Variants in EEA1 observed in about 807,000 individuals in gnomAD.
EEA1 encodes the protein early endosome antigen 1, also known as early endosome antigen 1, 162kD.
EEA1 carries 111 observed loss-of-function variants against 209.2 expected under a neutral mutation model. The ratio of observed to expected loss-of-function variants is 0.53; its 90% CI spans 0.45 to 0.62. The LOEUF (loss-of-function observed/expected upper bound fraction) is 0.62. Ranked by LOEUF, EEA1 falls within the 20% of genes least tolerant of loss-of-function variation. The pLI is 0.00. For missense variants in EEA1, 1,343 were observed against 1,530.8 expected (o/e 0.88, Z 2.05); for synonymous variants, 536 against 540.6 (o/e 0.99, Z 0.12).
Position 92,773,015 on chromosome 12 carries a change from A to C in EEA1, c.*2996T>G, listed in dbSNP as rs1478987856. The C allele has an allele frequency of 6.6e-6, 1 of 152,202 alleles. No homozygotes were observed. Among genetic ancestry groups the C allele is most frequent in the African/African-American group, 2.4e-5 (1 of 41,428 alleles). 9.4% of individuals were successfully genotyped at this position (152,202 alleles called of 1,614,324 possible). On this transcript the variant is annotated 3_prime_UTR_variant, in exon 29 of 29. Coordinates refer to ENST00000322349, the MANE Select transcript of EEA1 (RefSeq NM_003566.4). ...ATTAAAATTCAGGCTAAGGGCAATT[A>C]AGACACAATAATGTGTGGCACGTTA...
intron 10 of EEA1, 144 bp from the exon 11 acceptor site, chr12:92,832,994 A>G: frequency 1.6e-6 from 1 of 617,574 alleles, no homozygotes; most frequent in Non-Finnish European, 2.6e-6. Flanking sequence ...GTTCTAGTCA[A>G]GAATTAAATC....
chr12:92,858,760 G>A (rs567009077), intron 3 of EEA1: 52 of 767,556 alleles, frequency 6.8e-5, no homozygotes, highest in Non-Finnish European at 1.2e-4. Flanking sequence ...AAAGGAGAAA[G>A]TCATCAAAGC....
chr12:92,850,121 G>A (rs865847713), intron 9 of EEA1, among the ~76,000 whole-genome samples: 21 of 152,152 alleles, frequency 1.4e-4, no homozygotes, highest in African/African-American at 3.4e-4. Context: ...GAAATACTCC[G>A]AATAAATATG....
At position 92,852,905 on chromosome 12, in the gene EEA1, A is replaced by T; in HGVS notation, c.520+7T>A. The T allele has an allele frequency of 1.9e-6, 3 of 1,601,764 alleles. No individual in the cohort carries two copies. The highest frequency in any genetic ancestry group is 2.6e-6 in the Non-Finnish European group (3 of 1,171,664). On this transcript the variant is annotated splice_region_variant and intron_variant, in intron 7 of 28. Coordinates refer to ENST00000322349, the MANE Select transcript of EEA1 (RefSeq NM_003566.4). ...TTTATTGGCTAAAAAATTCTAACTCAATTTACCTGCAATTTCAGTAGCAAG... is the reference window on the plus strand; with the variant it reads ...TTTATTGGCTAAAAAATTCTAACTCTATTTACCTGCAATTTCAGTAGCAAG...
chr12:92,804,476 G>A (rs1295761644), intron 18 of EEA1, among the ~76,000 whole-genome samples: 1 of 150,324 alleles, frequency 6.7e-6, no homozygotes, highest in African/African-American at 2.5e-5. Context: ...TGAGGCTGAA[G>A]CAGGAGAATC....
Position 92,929,243 on chromosome 12 carries a change from G to A in EEA1, c.-177C>T, listed in dbSNP as rs1881337233. On this transcript the variant is annotated 5_prime_UTR_variant, in exon 1 of 29. Coordinates refer to ENST00000322349, the MANE Select transcript of EEA1 (RefSeq NM_003566.4). ...CCCGACTTCCCCACAGGCGGCGAGA[G>A]GGAGCACGCGAGAGAGAGCGAGCGA... 2 of 538,842 alleles carry A rather than the reference G, an allele frequency of 3.7e-6. No individual in the cohort carries two copies. Among genetic ancestry groups the A allele is most frequent in the East Asian group, 3.5e-5 (1 of 28,464 alleles). 33.4% of individuals were successfully genotyped at this position (538,842 alleles called of 1,614,324 possible).
rs1014133611 is a variant in EEA1 at position 92,828,014 on chromosome 12, A to G, written c.1302T>C (p.His434=). The change falls in exon 12 of 29, where the codon CAT becomes CAC. Residue 434 remains histidine (H), a synonymous_variant. Coordinates refer to ENST00000322349, the MANE Select transcript of EEA1 (RefSeq NM_003566.4). ...LETERQLGEA[H]GRLKEQRQLS... is the part of the protein sequence containing the mutation. ...GCTGTCTCTGTTCCTTCAGCCTACC[A>G]TGAGCTTCCCCTAGTTGGCGCTCTG... The G allele has an allele frequency of 6.3e-7, 1 of 1,597,072 alleles. No homozygotes were observed. The highest frequency in any genetic ancestry group is 8.5e-7 in the Non-Finnish European group (1 of 1,173,478).
In EEA1 at chr12:92,776,867, C is replaced by T. The variant is rs778555063; in HGVS notation, c.4090G>A (p.Gly1364Ser). ...EVQNCMACGK[G>S]FSVTVRRHHC... ...ACCCGTCTCACTGTTACTGAAAAGC[C>T]TTTCCCACAGGCCATACAGTTTTGT... Residue 1364 changes from glycine (G) to serine (S), a missense_variant, in exon 28 of 29, where the codon GGC becomes AGC. This residue lies in a region of EEA1 where 8 missense variants were observed against 27.7 expected (regional missense o/e 0.29). Transcript: ENST00000322349. 5.0e-6 allele frequency: 8 copies of T among 1,611,816 alleles called. No individual in the cohort carries two copies. In the South Asian group the frequency reaches 6.6e-5, roughly 13 times the overall value.
chr12:92,918,608 A>C (rs1451973615), intron 1 of EEA1, among the ~76,000 whole-genome samples: 1 of 114,942 alleles, frequency 8.7e-6, no homozygotes, highest in East Asian at 2.2e-4. Flanking sequence ...GTGTAGAGGG[A>C]AATTTATAGC....
At chr12:92,869,116 T>C (rs915685781) in intron 2 of EEA1, among the ~76,000 whole-genome samples, 3 of 152,210 alleles carry the variant, frequency 2.0e-5, no homozygotes, top group East Asian at 1.9e-4. Flanking sequence ...CTTTAGTTCA[T>C]GGACTTTGAA....
At chr12:92,800,032 G>C (rs1337581208) in intron 20 of EEA1, among the ~76,000 whole-genome samples, 1 of 151,882 alleles carries the variant, frequency 6.6e-6, no homozygotes, top group Non-Finnish European at 1.5e-5. Context: ...AGACCAGCCT[G>C]GGCAACATGG....
intron 14 of EEA1, among the ~76,000 whole-genome samples, 162 bp from the exon 15 acceptor site, chr12:92,816,562 T>C (rs1407803235): frequency 1.3e-5 from 2 of 152,240 alleles, no homozygotes; most frequent in East Asian, 1.9e-4. Flanking sequence ...CAACATAGTA[T>C]CTCAAATACC....
intron 22 of EEA1, among the ~76,000 whole-genome samples, chr12:92,785,983 T>C (rs899211157): frequency 6.6e-6 from 1 of 152,232 alleles, no homozygotes; most frequent in Non-Finnish European, 1.5e-5. Context: ...TAACATTGAT[T>C]AATTTAATGT....
chr12:92,773,755 T>G lies in EEA1; in HGVS notation c.*2256A>C, dbSNP rs1349938970. On this transcript the variant is annotated 3_prime_UTR_variant, in exon 29 of 29. Transcript: ENST00000322349. The stretch of plus-strand genomic sequence containing the variant: ...AATTAAAAGGAAAAAAATTTAAATT[T>G]TTATTTCGAAAACACATTAAATTGG... The G allele has an allele frequency of 6.6e-6, 1 of 151,634 alleles. No homozygotes were observed. The highest frequency in any genetic ancestry group is 1.5e-5 in the Non-Finnish European group (1 of 67,658). 9.4% of individuals were successfully genotyped at this position (151,634 alleles called of 1,614,324 possible). A position where few individuals can be genotyped will look rare whatever the true frequency, so the allele number is the denominator to read the frequency against.
chr12:92,806,196 A>T (rs1465891903), intron 18 of EEA1, among the ~76,000 whole-genome samples: 2 of 152,208 alleles, frequency 1.3e-5, no homozygotes, highest in African/African-American at 4.8e-5. Context: ...AATAAATAAG[A>T]TAGAAAACTG....
intron 10 of EEA1, 116 bp downstream of exon 10, chr12:92,842,349 A>G (rs1201057449): frequency 1.8e-5 from 3 of 168,676 alleles, no homozygotes; most frequent in African/African-American, 3.2e-5. Context: ...ATTAAACACT[A>G]AAAAAAAAAA....
intron 3 of EEA1, 143 bp downstream of exon 3, chr12:92,864,717 G>A: frequency 1.3e-6 from 1 of 754,394 alleles, no homozygotes; most frequent in Admixed American, 3.9e-5. Context: ...AACAATAGTG[G>A]AGGAAGGATA....
intron 15 of EEA1, among the ~76,000 whole-genome samples, chr12:92,815,257 T>C (rs1410781771): frequency 2.0e-5 from 3 of 152,150 alleles, no homozygotes; most frequent in African/African-American, 4.8e-5. Context: ...CTGAAATGAA[T>C]AGCAGTGGAA....
intron 2 of EEA1, chr12:92,879,165 A>C (rs1308351640): frequency 3.1e-6 from 1 of 318,032 alleles, no homozygotes; most frequent in Non-Finnish European, 6.0e-6. Flanking sequence ...CTGAGCACCC[A>C]TTATCTGAAA....
Sources: allele counts gnomAD v4.1 joint callset (sites outside exome capture counted in the v4.1 genomes callset), GRCh38; gene constraint gnomAD v4.1.1; regional missense constraint gnomAD v4.1.1; transcripts MANE v1.5; gene names NCBI Gene and HGNC (gene_info 2026-07-23, HGNC 2026-07-21).